Variants in CDK5RAP2 observed in about 807,000 individuals in gnomAD.
CDK5RAP2 encodes the protein CDK5 regulatory subunit associated protein 2.
Under a neutral mutation model 232.9 loss-of-function variants are expected in CDK5RAP2, and 147 were observed. That is an observed-to-expected ratio of 0.63 (90% CI 0.55 to 0.72). CDK5RAP2 has a LOEUF of 0.72. Ranked by LOEUF, CDK5RAP2 falls within the 30% of genes least tolerant of loss-of-function variation. CDK5RAP2 has a pLI of 0.00. For synonymous variants in CDK5RAP2, 833 were observed against 833.7 expected, an observed-to-expected ratio of 1.00 and a Z score of 0.01; for missense variants, 2,195 against 2,231.5, an observed-to-expected ratio of 0.98 and a Z score of 0.33.
rs181035296 is a variant in CDK5RAP2 at position 120,499,816 on chromosome 9, G to T, written c.1312-8339C>A. Reference sequence around the variant, plus strand: ...ATATTAAACCATTTTCAAACAGTAGGTGCTCCTTTCAGTTCTTGTCCATCT... The same window carrying T: ...ATATTAAACCATTTTCAAACAGTAGTTGCTCCTTTCAGTTCTTGTCCATCT... On this transcript the variant is annotated intron_variant, in intron 12 of 37. Transcript: ENST00000349780. 6.6e-5 allele frequency among the ~76,000 whole-genome samples: 10 copies of T among 152,228 alleles called. No homozygotes were observed. In the East Asian group the frequency reaches 1.9e-3, roughly 29 times the overall value.
chr9:120,556,370 T>C (rs1340889061), intron 3 of CDK5RAP2, among the ~76,000 whole-genome samples: 1 of 152,182 alleles, frequency 6.6e-6, no homozygotes, highest in Non-Finnish European at 1.5e-5. Flanking sequence ...ACTCATCACG[T>C]ATTTTTTTCA....
intron 12 of CDK5RAP2, among the ~76,000 whole-genome samples, chr9:120,492,812 T>C (rs542524021): frequency 3.7e-4 from 56 of 152,302 alleles, no homozygotes; most frequent in African/African-American, 1.1e-3. Flanking sequence ...ACAATTATTG[T>C]CATAAAACCC....
At chr9:120,569,522 G>T (rs150237893) in intron 2 of CDK5RAP2, among the ~76,000 whole-genome samples, 1 of 152,206 alleles carries the variant, frequency 6.6e-6, no homozygotes, top group African/African-American at 2.4e-5. Flanking sequence ...TTACCTGGGG[G>T]AGAATTCTCC....
chr9:120,472,832 T>C (rs996791883), intron 15 of CDK5RAP2, among the ~76,000 whole-genome samples: 4 of 152,252 alleles, frequency 2.6e-5, no homozygotes, highest in Non-Finnish European at 5.9e-5. Context: ...ATATCTTCAC[T>C]GTCAACTACA....
intron 2 of CDK5RAP2, among the ~76,000 whole-genome samples, chr9:120,570,697 G>T (rs1289385650): frequency 6.6e-6 from 1 of 151,974 alleles, no homozygotes; most frequent in African/African-American, 2.4e-5. Context: ...AAATTAGCTG[G>T]GTGTGGTGGC....
intron 18 of CDK5RAP2, among the ~76,000 whole-genome samples, chr9:120,462,361 T>C (rs1428218147): frequency 6.6e-6 from 1 of 152,034 alleles, no homozygotes; most frequent in Non-Finnish European, 1.5e-5. Flanking sequence ...TATAAAATGT[T>C]TGGAAAAAGT....
intron 1 of CDK5RAP2, among the ~76,000 whole-genome samples, chr9:120,574,308 G>C (rs750915082): frequency 1.3e-5 from 2 of 152,152 alleles, no homozygotes; most frequent in Non-Finnish European, 2.9e-5. Context: ...GCCACAAGCA[G>C]CTCCCTCTTT....
chr9:120,562,989 T>A (rs547027328), intron 3 of CDK5RAP2, among the ~76,000 whole-genome samples: 2 of 152,242 alleles, frequency 1.3e-5, no homozygotes, highest in South Asian at 4.1e-4. Context: ...GTACCAGACA[T>A]TGAATAGAGA....
intron 3 of CDK5RAP2, 99 bp downstream of exon 3, chr9:120,568,222 C>T: frequency 5.3e-6 from 5 of 939,852 alleles, no homozygotes; most frequent in Non-Finnish European, 8.8e-6. Flanking sequence ...TCTGGCATCA[C>T]CGAACTTAGA....
At chr9:120,475,955 A>T (rs1410162262) in intron 15 of CDK5RAP2, among the ~76,000 whole-genome samples, 1 of 152,168 alleles carries the variant, frequency 6.6e-6, no homozygotes, top group Non-Finnish European at 1.5e-5. Flanking sequence ...AGAAACACAG[A>T]GAGGCAACTG....
chr9:120,399,366 A>AGAAAAAAAATCACT (rs1233745186), intron 35 of CDK5RAP2, among the ~76,000 whole-genome samples: 2 of 152,238 alleles, frequency 1.3e-5, no homozygotes, highest in African/African-American at 4.8e-5. Context: ...TTGGGTGTAT[A>AGAAAAAAAATCACT]GAAAAAAAAT....
chr9:120,556,557 T>G (rs1286144075), intron 3 of CDK5RAP2, among the ~76,000 whole-genome samples: 1 of 152,010 alleles, frequency 6.6e-6, no homozygotes, highest in Admixed American at 6.6e-5. Flanking sequence ...GTCTCCCAAG[T>G]AGCTGGGATT....
chr9:120,451,411 A>G (rs2036474045), intron 21 of CDK5RAP2, among the ~76,000 whole-genome samples: 1 of 152,218 alleles, frequency 6.6e-6, no homozygotes. Flanking sequence ...GTAACTAAAC[A>G]ATTGAAAGGA....
chr9:120,491,411 G>A lies in CDK5RAP2; in HGVS notation c.1378C>T (p.Arg460Cys), dbSNP rs772594162. 6.8e-6 allele frequency: 11 copies of A among 1,611,596 alleles called. No individual in the cohort carries two copies. Among genetic ancestry groups the A allele is most frequent in the East Asian group, 2.2e-5 (1 of 44,778 alleles). ...CTTTCACTCAGAAGACTCTTGTAACGATTTTCCATTGCTTTCTCTCTTTCA... is the reference window on the plus strand; with the variant it reads ...CTTTCACTCAGAAGACTCTTGTAACAATTTTCCATTGCTTTCTCTCTTTCA... ...VNEREKAMEN[R>C]YKSLLSESNK... The change falls in exon 13 of 38, where the codon CGT becomes TGT. Residue 460 changes from arginine to cysteine, a missense_variant. Physicochemically the swap from Arg to Cys is radical, Grantham distance 180. Transcript: ENST00000349780.
chr9:120,458,864 C>T (rs2036932586), intron 19 of CDK5RAP2, among the ~76,000 whole-genome samples: 1 of 152,176 alleles, frequency 6.6e-6, no homozygotes, highest in Non-Finnish European at 1.5e-5. Context: ...GAGATGTTTA[C>T]ATCACTTCTC....
chr9:120,542,978 C>T (rs1170104130), intron 5 of CDK5RAP2, among the ~76,000 whole-genome samples: 1 of 152,162 alleles, frequency 6.6e-6, no homozygotes, highest in Non-Finnish European at 1.5e-5. Context: ...AGGAGGTCTG[C>T]TGGAGCAGAG....
intron 24 of CDK5RAP2, 130 bp downstream of exon 24, chr9:120,439,269 A>G (rs1262370244): frequency 1.1e-6 from 1 of 878,358 alleles, no homozygotes; most frequent in Non-Finnish European, 1.9e-6. Context: ...GAACCCCACC[A>G]TCAAGCCTTC....
intron 3 of CDK5RAP2, among the ~76,000 whole-genome samples, chr9:120,558,654 A>G (rs2042338673): frequency 1.3e-5 from 2 of 152,108 alleles, no homozygotes. Flanking sequence ...GAAATAAGCC[A>G]AGCCCTTGTC....
Position 120,480,502 on chromosome 9 carries a change from T to C in CDK5RAP2, c.1627-3052A>G, listed in dbSNP as rs76878120. 4.4e-3 allele frequency among the ~76,000 whole-genome samples: 677 copies of C among 152,354 alleles called. 1 individual carries two copies. The highest frequency in any genetic ancestry group is 7.6e-3 in the Non-Finnish European group (517 of 68,028). ...TTCATTCTTATCACTACTTCATAGC[T>C]ACGGCAGTTACTTATACTCACCACC... On this transcript the variant is annotated intron_variant, in intron 14 of 37. Transcript: ENST00000349780.
Sources: gnomAD v4.1 joint callset for allele counts (sites outside exome capture counted in the v4.1 genomes callset) on GRCh38, gnomAD v4.1.1 for gene constraint, MANE v1.5 for transcripts, NCBI Gene and HGNC (gene_info 2026-07-23, HGNC 2026-07-21) for gene names.